The following ST3GAL3 variants were observed in gnomAD, a reference collection of about 807,000 sequenced individuals.
The protein encoded by ST3GAL3 is ST3 beta-galactoside alpha-2,3-sialyltransferase 3, also known as CMP-N-acetylneuraminate-beta-1,4-galactoside alpha-2,3-sialyltransferase.
Under a neutral mutation model 50.1 loss-of-function variants are expected in ST3GAL3, and 21 were observed. The observed-to-expected ratio is 0.42, with a 90% confidence interval of 0.30 to 0.60. ST3GAL3 has a LOEUF of 0.60. Ranked by LOEUF, ST3GAL3 falls within the 20% of genes least tolerant of loss-of-function variation. ST3GAL3 has a pLI of 0.19. For missense variants in ST3GAL3, 353 were observed against 489.4 expected, an observed-to-expected ratio of 0.72 and a Z score of 2.63; for synonymous variants, 183 against 190.0, an observed-to-expected ratio of 0.96 and a Z score of 0.30.
intron 5 of ST3GAL3, among the ~76,000 whole-genome samples, chr1:43,852,028 T>C (rs1307431601): frequency 6.6e-6 from 1 of 152,188 alleles, no homozygotes; most frequent in Non-Finnish European, 1.5e-5. Flanking sequence ...TATGCTTCAC[T>C]CTTCCCTGAG....
At chr1:43,884,482 C>G (rs1025911475) in intron 5 of ST3GAL3, among the ~76,000 whole-genome samples, 4 of 152,088 alleles carry the variant, frequency 2.6e-5, no homozygotes, top group African/African-American at 9.7e-5. Flanking sequence ...TGTGCATGGC[C>G]CTTTATGGTG....
At chr1:43,776,315 G>A (rs1171215856) in intron 2 of ST3GAL3, among the ~76,000 whole-genome samples, 1 of 152,104 alleles carries the variant, frequency 6.6e-6, no homozygotes, top group Non-Finnish European at 1.5e-5. Flanking sequence ...CATATAATAT[G>A]TAGTCTTTTG....
chr1:43,744,205 G>A (rs181850765), intron 2 of ST3GAL3, among the ~76,000 whole-genome samples: 17 of 152,014 alleles, frequency 1.1e-4, no homozygotes, highest in African/African-American at 3.6e-4. Context: ...TCTTTAAGGC[G>A]GGTAATTACT....
intron 2 of ST3GAL3, among the ~76,000 whole-genome samples, chr1:43,784,668 G>A (rs557283296): frequency 1.3e-5 from 2 of 152,328 alleles, no homozygotes; most frequent in African/African-American, 2.4e-5. Flanking sequence ...CTCGAGCTTA[G>A]TAAGAACTCT....
chr1:43,710,061 C>G (rs2154054909), intron 1 of ST3GAL3, among the ~76,000 whole-genome samples: 1 of 152,060 alleles, frequency 6.6e-6, no homozygotes, highest in East Asian at 1.9e-4. Context: ...TCTTGTTGAC[C>G]CTACTTCCAC....
chr1:43,752,821 T>G (rs937524021), intron 2 of ST3GAL3, among the ~76,000 whole-genome samples: 2 of 152,170 alleles, frequency 1.3e-5, no homozygotes, highest in African/African-American at 4.8e-5. Flanking sequence ...ATAGCAAACT[T>G]TAAGGCAAAA....
chr1:43,800,671 T>C (rs1304665891), intron 3 of ST3GAL3, among the ~76,000 whole-genome samples: 1 of 152,210 alleles, frequency 6.6e-6, no homozygotes, highest in Non-Finnish European at 1.5e-5. Flanking sequence ...TCTAAACCTC[T>C]CTTTCCTCAT....
chr1:43,714,969 A>G (rs1431511847), intron 1 of ST3GAL3, among the ~76,000 whole-genome samples: 2 of 152,160 alleles, frequency 1.3e-5, no homozygotes, highest in South Asian at 2.1e-4. Flanking sequence ...GCCTTGGCCC[A>G]TTATTTGTCT....
chr1:43,765,810 T>C (rs56009633), intron 2 of ST3GAL3, among the ~76,000 whole-genome samples: 49,698 of 146,408 alleles, frequency 0.34, 8,743 homozygotes, highest in African/African-American at 0.48. Context: ...CGTCCGCGCG[T>C]CCGCGTGCGC....
intron 5 of ST3GAL3, among the ~76,000 whole-genome samples, chr1:43,848,544 A>G (rs1027040885): frequency 1.3e-5 from 2 of 151,888 alleles, no homozygotes; most frequent in African/African-American, 4.8e-5. Flanking sequence ...ACCTCAGGTG[A>G]TCCACATGCC....
At chr1:43,785,295 C>T (rs1460063991) in intron 2 of ST3GAL3, among the ~76,000 whole-genome samples, 1 of 152,210 alleles carries the variant, frequency 6.6e-6, no homozygotes, top group Non-Finnish European at 1.5e-5. Flanking sequence ...AGTGGAGCCT[C>T]TGCTTCTGAG....
intron 4 of ST3GAL3, among the ~76,000 whole-genome samples, chr1:43,816,715 T>C (rs891328216): frequency 1.3e-5 from 2 of 152,108 alleles, no homozygotes; most frequent in Admixed American, 6.5e-5. Flanking sequence ...TCCTGCAGAG[T>C]AGGCTGTTGT....
intron 11 of ST3GAL3, chr1:43,929,924 C>A: frequency 2.8e-6 from 2 of 710,142 alleles, no homozygotes; most frequent in South Asian, 2.8e-5. Flanking sequence ...TCTTTTTTCC[C>A]TGTCTTGGGA....
chr1:43,758,844 T>A (rs1228392530), intron 2 of ST3GAL3, among the ~76,000 whole-genome samples: 1 of 151,396 alleles, frequency 6.6e-6, no homozygotes, highest in Non-Finnish European at 1.5e-5. Flanking sequence ...CTGGGCAACA[T>A]AGCAAGACTC....
chr1:43,734,025 G>A (rs1012534733), intron 1 of ST3GAL3, among the ~76,000 whole-genome samples: 9 of 151,998 alleles, frequency 5.9e-5, no homozygotes, highest in Non-Finnish European at 1.2e-4. Context: ...CAGGAGAATC[G>A]CTTGAACCCG....
chr1:43,774,950 C>T (rs938931077), intron 2 of ST3GAL3, among the ~76,000 whole-genome samples: 5 of 151,994 alleles, frequency 3.3e-5, no homozygotes, highest in Admixed American at 6.6e-5. Context: ...AAGCAGGGAG[C>T]GTGAGAATAC....
At chr1:43,884,388 A>G (rs985187649) in intron 5 of ST3GAL3, among the ~76,000 whole-genome samples, 2 of 152,184 alleles carry the variant, frequency 1.3e-5, no homozygotes, top group African/African-American at 4.8e-5. Flanking sequence ...AGTGGTCAGC[A>G]AGGGGAACGC....
intron 4 of ST3GAL3, among the ~76,000 whole-genome samples, chr1:43,816,644 T>G (rs2061279154): frequency 6.6e-6 from 1 of 152,202 alleles, no homozygotes; most frequent in African/African-American, 2.4e-5. Flanking sequence ...TTAAACTGTC[T>G]TCAGCAGTGA....
chr1:43,725,577 C>T (rs985939342), intron 1 of ST3GAL3, among the ~76,000 whole-genome samples: 2 of 152,130 alleles, frequency 1.3e-5, no homozygotes, highest in African/African-American at 2.4e-5. Context: ...CTACTTCTAG[C>T]ATTTTTATTT....
Sources: gnomAD v4.1 joint callset for allele counts (sites outside exome capture counted in the v4.1 genomes callset) on GRCh38, gnomAD v4.1.1 for gene constraint, MANE v1.5 for transcripts, NCBI Gene and HGNC (gene_info 2026-07-23, HGNC 2026-07-21) for gene names.